Variants in MICAL2 observed in about 807,000 individuals in gnomAD.
MICAL2 encodes the protein [F-actin]-monooxygenase MICAL2.
In MICAL2, 77 loss-of-function variants were observed where a neutral mutation model predicts 127.3. The ratio of observed to expected loss-of-function variants is 0.60; its 90% CI spans 0.50 to 0.73. The LOEUF is 0.73. MICAL2 is among the 30% of genes least tolerant of loss of function. The pLI is 0.00. For missense variants in MICAL2, 1,351 were observed against 1,434.4 expected (o/e 0.94, Z 0.94); for synonymous variants, 570 against 551.1 (o/e 1.03, Z -0.48).
chr11:12,262,359 A>G (rs1424555391), intron 26 of MICAL2, 121 bp from the exon 27 acceptor site: 8 of 1,557,578 alleles, frequency 5.1e-6, no homozygotes, highest in Admixed American at 1.8e-5. Flanking sequence ...CCCTCTTTCA[A>G]TCGTGGCCTT....
intron 1 of MICAL2, among the ~76,000 whole-genome samples, chr11:12,120,541 T>C (rs1426486842): frequency 1.3e-5 from 2 of 151,842 alleles, no homozygotes; most frequent in Non-Finnish European, 2.9e-5. Context: ...GTATGGAATG[T>C]CCACAGAGTC....
At chr11:12,164,802 C>A (rs931831284) in intron 3 of MICAL2, among the ~76,000 whole-genome samples, 2 of 152,138 alleles carry the variant, frequency 1.3e-5, no homozygotes, top group Admixed American at 1.3e-4. Flanking sequence ...GAGGGAGGAG[C>A]AAATCCCCAA....
intron 32 of MICAL2, among the ~76,000 whole-genome samples, chr11:12,332,506 A>G (rs1486222774): frequency 6.6e-6 from 1 of 152,238 alleles, no homozygotes; most frequent in Non-Finnish European, 1.5e-5. Flanking sequence ...TAAGCATGCA[A>G]GGAACTTGGG....
chr11:12,238,872 T>G (rs1405935435), intron 16 of MICAL2, among the ~76,000 whole-genome samples: 1 of 152,072 alleles, frequency 6.6e-6, no homozygotes, highest in African/African-American at 2.4e-5. Context: ...AAATTAAAAT[T>G]TTTCTTTAAA....
chr11:12,283,364 A>G (rs962836175), intron 2 of MICAL2, among the ~76,000 whole-genome samples: 15 of 148,434 alleles, frequency 1.0e-4, no homozygotes, highest in Non-Finnish European at 1.9e-4. Flanking sequence ...AAAAAAAAAG[A>G]CTCTACGTTG....
intron 8 of MICAL2, 89 bp downstream of exon 8, chr11:12,216,408 A>G: frequency 9.8e-7 from 1 of 1,015,786 alleles, no homozygotes; most frequent in Non-Finnish European, 1.5e-6. Flanking sequence ...CCTGCCAGAA[A>G]CTGAGCGAGG....
At chr11:12,253,884 C>G (rs547984254) in intron 22 of MICAL2, 1 of 152,210 alleles carries the variant, frequency 6.6e-6, no homozygotes, top group African/African-American at 2.4e-5. Flanking sequence ...AGGGCATGAT[C>G]GATTACATCA....
chr11:12,247,714 A>G (rs1245578672), intron 21 of MICAL2, among the ~76,000 whole-genome samples: 3 of 152,250 alleles, frequency 2.0e-5, no homozygotes, highest in Non-Finnish European at 4.4e-5. Flanking sequence ...CACATGCAGA[A>G]TTTGGCAGAA....
exon 30 of MICAL2, chr11:12,319,724 G>A: frequency 6.2e-7 from 1 of 1,614,054 alleles, no homozygotes; most frequent in African/African-American, 1.3e-5. Flanking sequence ...TCAGAGCACA[G>A]GTAACAGAGG....
At chr11:12,338,111 G>A (rs1375834417) in intron 32 of MICAL2, among the ~76,000 whole-genome samples, 2 of 152,142 alleles carry the variant, frequency 1.3e-5, no homozygotes, top group Non-Finnish European at 2.9e-5. Context: ...AGGTCACTAA[G>A]GACTTGCTTT....
intron 30 of MICAL2, among the ~76,000 whole-genome samples, chr11:12,320,270 A>G (rs1398432165): frequency 1.3e-5 from 2 of 152,228 alleles, no homozygotes; most frequent in African/African-American, 2.4e-5. Context: ...TGGATACTCC[A>G]AAGATCTCTG....
chr11:12,352,237 T>A (rs1457417598), intron 33 of MICAL2, among the ~76,000 whole-genome samples: 1 of 152,232 alleles, frequency 6.6e-6, no homozygotes, highest in Non-Finnish European at 1.5e-5. Context: ...AACGTAAAAA[T>A]TATTTTAAAA....
chr11:12,321,300 GGAAA>G (rs942606210), intron 30 of MICAL2, among the ~76,000 whole-genome samples: 5 of 152,164 alleles, frequency 3.3e-5, no homozygotes, highest in African/African-American at 1.2e-4. Flanking sequence ...TCACACTGAA[GGAAA>G]GAGAGGAGGT....
chr11:12,259,592 A>T, intron 25 of MICAL2: 1 of 441,000 alleles, frequency 2.3e-6, no homozygotes, highest in Non-Finnish European at 4.0e-6. Context: ...ATATTTTTGA[A>T]GGCTCGTGAC....
chr11:12,273,145 C>T (rs78399040), upstream of MICAL2, among the ~76,000 whole-genome samples: 189 of 152,312 alleles, frequency 1.2e-3, 2 homozygotes, highest in South Asian at 0.022. Context: ...AGACTGATCC[C>T]CGTCCTCTGA....
chr11:12,181,068 C>A (rs943223141), intron 3 of MICAL2, among the ~76,000 whole-genome samples: 1 of 151,916 alleles, frequency 6.6e-6, no homozygotes, highest in East Asian at 1.9e-4. Flanking sequence ...CTCAGCCTCC[C>A]AAATAGCTGG....
intron 1 of MICAL2, among the ~76,000 whole-genome samples, chr11:12,115,086 C>G (rs1849897660): frequency 6.6e-6 from 1 of 152,218 alleles, no homozygotes; most frequent in African/African-American, 2.4e-5. Context: ...CCTTCTCTAA[C>G]CTGCCTTACT....
intron 1 of MICAL2, among the ~76,000 whole-genome samples, chr11:12,120,658 G>C (rs573135451): frequency 1.3e-5 from 2 of 152,342 alleles, no homozygotes; most frequent in African/African-American, 4.8e-5. Context: ...GATGGGCAGA[G>C]GTAACAGCAC....
chr11:12,230,589 G>A (rs1215034648), intron 15 of MICAL2, among the ~76,000 whole-genome samples: 2 of 152,110 alleles, frequency 1.3e-5, no homozygotes, highest in African/African-American at 4.8e-5. Flanking sequence ...TATGGGAATT[G>A]AGCTGTGAGT....
Sources: allele counts gnomAD v4.1 joint callset (sites outside exome capture counted in the v4.1 genomes callset), GRCh38; gene constraint gnomAD v4.1.1; transcripts MANE v1.5; gene names NCBI Gene and HGNC (gene_info 2026-07-23, HGNC 2026-07-21).